The following SYN3 variants were observed in gnomAD, a reference collection of about 807,000 sequenced individuals.
The protein encoded by SYN3 is synapsin III, also known as synapsin-3.
Under a neutral mutation model 65.8 loss-of-function variants are expected in SYN3, and 35 were observed. The ratio of observed to expected loss-of-function variants is 0.53; its 90% confidence interval spans 0.41 to 0.70. The LOEUF (loss-of-function observed/expected upper bound fraction) is 0.70. Among genes scored for constraint, SYN3 ranks in the 30% least tolerant of loss-of-function variants. The probability of loss-of-function intolerance (pLI) is 0.00; values close to 1 mark genes in which losing one functional copy is unlikely to be tolerated. For synonymous variants in SYN3, 270 were observed against 292.9 expected (o/e 0.92, Z 0.80); for missense variants, 680 against 749.0 (o/e 0.91, Z 1.08).
chr22:33,028,680 TG>T (rs2053687707), intron 1 of SYN3, among the ~76,000 whole-genome samples: 1 of 82,942 alleles, frequency 1.2e-5, no homozygotes, highest in African/African-American at 6.7e-5. Context: ...GTGGTGGTGG[TG>T]GTGGTGGTGA....
chr22:32,668,863 A>T (rs2060325645), intron 6 of SYN3, among the ~76,000 whole-genome samples: 1 of 152,162 alleles, frequency 6.6e-6, no homozygotes, highest in Non-Finnish European at 1.5e-5. Context: ...TCCCCTTAGG[A>T]TCCAGAGTGG....
intron 6 of SYN3, among the ~76,000 whole-genome samples, chr22:32,633,363 G>A (rs924141302): frequency 7.2e-5 from 11 of 152,176 alleles, no homozygotes; most frequent in African/African-American, 2.7e-4. Context: ...AGCCCCTGGG[G>A]TTCTAACCTG....
rs561294201 is a variant in SYN3, at chr22:32,511,116, G to A, written c.*2576C>T. On this transcript the variant is annotated 3_prime_UTR_variant, in exon 14 of 14. Coordinates refer to ENST00000358763, the MANE Select transcript of SYN3 (RefSeq NM_003490.4). The stretch of plus-strand genomic sequence containing the variant: ...TTCTTTTAACAGAATAACTTTAAAA[G>A]GTACCCACATCTGATATTTTGAATT... Among the ~76,000 whole-genome samples the A allele has an allele frequency of 2.1e-3, 316 of 151,886 alleles. 1 individual carries two copies. Among genetic ancestry groups the A allele is most frequent in the Non-Finnish European group, 1.0e-3 (70 of 67,978 alleles).
rs373852143 is a variant in SYN3, at chr22:32,819,189, G to T, written c.711+45726C>A. ...GTGAAAGAGGAAATAAGCTGTGTTG[G>T]CATGGGGAGGCTTGGCCTTGCAGGC... On this transcript the variant is annotated intron_variant, in intron 6 of 13. Coordinates refer to ENST00000358763, the MANE Select transcript of SYN3 (RefSeq NM_003490.4). Among the ~76,000 whole-genome samples, 3 of 152,350 alleles carry T rather than the reference G, an allele frequency of 2.0e-5. No homozygotes were observed. In the East Asian group the frequency reaches 5.8e-4, roughly 29 times the overall value.
intron 6 of SYN3, among the ~76,000 whole-genome samples, chr22:32,611,429 G>A (rs186373111): frequency 2.0e-5 from 3 of 151,980 alleles, no homozygotes; most frequent in East Asian, 3.9e-4. Flanking sequence ...GAGTAGCTGG[G>A]ATTACAGTCA....
chr22:32,965,941 G>C (rs977667768), intron 3 of SYN3, among the ~76,000 whole-genome samples: 2 of 152,130 alleles, frequency 1.3e-5, no homozygotes, highest in African/African-American at 4.8e-5. Context: ...TGATCTGCCC[G>C]CCTTGGCCTC....
At chr22:32,699,213 G>C (rs925949284) in intron 6 of SYN3, among the ~76,000 whole-genome samples, 1 of 152,184 alleles carries the variant, frequency 6.6e-6, no homozygotes, top group African/African-American at 2.4e-5. Context: ...CCCCACCATG[G>C]AGTACTTGTT....
At chr22:32,776,019 C>T (rs5754266) in intron 6 of SYN3, among the ~76,000 whole-genome samples, 21,682 of 152,122 alleles carry the variant, frequency 0.14, 1,611 homozygotes, top group Non-Finnish European at 0.16. Context: ...AATACGATCA[C>T]GTGTATCCTT....
chr22:32,710,788 G>T (rs745778251), intron 6 of SYN3, among the ~76,000 whole-genome samples: 14 of 151,992 alleles, frequency 9.2e-5, no homozygotes, highest in Non-Finnish European at 1.8e-4. Flanking sequence ...CCAAGCAGAT[G>T]CCAGCATCAT....
intron 6 of SYN3, among the ~76,000 whole-genome samples, chr22:32,815,438 T>C (rs1281105521): frequency 6.6e-6 from 1 of 152,218 alleles, no homozygotes; most frequent in Admixed American, 6.5e-5. Flanking sequence ...GATAATATTT[T>C]AACATTTATT....
At chr22:32,513,979 G>A (rs1305738442) in intron 13 of SYN3, among the ~76,000 whole-genome samples, 155 bp from the exon 14 acceptor site, 1 of 152,184 alleles carries the variant, frequency 6.6e-6, no homozygotes, top group African/African-American at 2.4e-5. Flanking sequence ...CATGATGTCA[G>A]GTACATTACA....
chr22:32,938,300 G>A (rs11089596), intron 3 of SYN3, among the ~76,000 whole-genome samples: 2 of 151,976 alleles, frequency 1.3e-5, no homozygotes, highest in East Asian at 1.9e-4. Flanking sequence ...AGGCCGAGGC[G>A]GGTGGATCAC....
intron 6 of SYN3, among the ~76,000 whole-genome samples, chr22:32,810,846 C>A (rs987400273): frequency 6.6e-6 from 1 of 152,100 alleles, no homozygotes; most frequent in Admixed American, 6.6e-5. Flanking sequence ...GAAGGGCTCC[C>A]TTTTGACTTA....
chr22:32,938,996 T>C (rs2050861186), intron 3 of SYN3, among the ~76,000 whole-genome samples: 1 of 150,460 alleles, frequency 6.6e-6, no homozygotes, highest in African/African-American at 2.4e-5. Flanking sequence ...GAATTTATTA[T>C]AAGTCCAAAA....
At chr22:32,802,776 G>A (rs1293985980) in intron 6 of SYN3, among the ~76,000 whole-genome samples, 1 of 152,212 alleles carries the variant, frequency 6.6e-6, no homozygotes, top group Non-Finnish European at 1.5e-5. Context: ...ATAGCCAGCA[G>A]AAGGTGCGAG....
chr22:32,734,513 G>GCAGACAGGCAGACAGACAGACAGA (rs1555941123), intron 6 of SYN3, among the ~76,000 whole-genome samples: 1 of 151,318 alleles, frequency 6.6e-6, no homozygotes, highest in Non-Finnish European at 1.5e-5. Flanking sequence ...AGGCAGGCAG[G>GCAGACAGGCAGACAGACAGACAGA]CAGACAGACA....
rs1413120558 is a variant in SYN3 at position 32,582,247 on chromosome 22, C to G, written c.774+14427G>C. Among the ~76,000 whole-genome samples, 3 of 152,176 alleles carry G rather than the reference C, an allele frequency of 2.0e-5. No homozygotes were observed. In the South Asian group the frequency reaches 6.2e-4, roughly 32 times the overall value. ...TCCCTTGGGCATCTGAGTTTGCATC[C>G]CTTGGTCAAAACCAGTGGTTATGCA... On this transcript the variant is annotated intron_variant, in intron 7 of 13. Coordinates refer to ENST00000358763, the MANE Select transcript of SYN3 (RefSeq NM_003490.4).
chr22:32,996,567 CTT>C (rs1011953433), intron 2 of SYN3, among the ~76,000 whole-genome samples: 21 of 152,014 alleles, frequency 1.4e-4, no homozygotes, highest in African/African-American at 4.8e-4. Flanking sequence ...CTAGAGTTCT[CTT>C]GAGTATTATC....
At chr22:32,687,668 A>C (rs1254611241) in intron 6 of SYN3, among the ~76,000 whole-genome samples, 2 of 151,864 alleles carry the variant, frequency 1.3e-5, no homozygotes, top group Admixed American at 6.6e-5. Flanking sequence ...CTCCCTCTTG[A>C]GCTCACCTTG....
Sources: gnomAD v4.1 joint callset for allele counts (sites outside exome capture counted in the v4.1 genomes callset) on GRCh38, gnomAD v4.1.1 for gene constraint, MANE v1.5 for transcripts, NCBI Gene and HGNC (gene_info 2026-07-23, HGNC 2026-07-21) for gene names.